MCM3AP: variants seen among roughly 807,000 people sequenced by gnomAD.
MCM3AP encodes germinal-center associated nuclear protein.
Under a neutral mutation model 184.1 loss-of-function variants are expected in MCM3AP, and 126 were observed. That is an observed-to-expected ratio of 0.68 (90% CI 0.59 to 0.79). MCM3AP has a LOEUF of 0.79. Ranked by LOEUF, MCM3AP falls within the 30% of genes least tolerant of loss-of-function variation. The pLI is 0.00. For missense variants in MCM3AP, 2,496 were observed against 2,479.2 expected, an observed-to-expected ratio of 1.01 and a Z score of -0.14; for synonymous variants, 1,002 against 979.3, an observed-to-expected ratio of 1.02 and a Z score of -0.43.
At position 46,251,648 on chromosome 21, in the gene MCM3AP, C is replaced by G. The variant is rs372959104; in HGVS notation, c.4171G>C (p.Gly1391Arg). 1.2e-5 allele frequency: 19 copies of G among 1,601,964 alleles called. No homozygotes were observed. The highest frequency in any genetic ancestry group is 1.5e-5 in the Non-Finnish European group (18 of 1,170,210). Residue 1391 changes from glycine to arginine, a missense_variant, in exon 20 of 28, where the codon GGA (glycine) becomes CGA (arginine). Coordinates refer to ENST00000291688, the MANE Select transcript of MCM3AP (RefSeq NM_003906.5). ...GTGTCATCCACTGAGCCTTCATCTC[C>G]CATGAACTTGACTTTTAACCAATTT... ...LANWLKVKFM[G>R]DEGSVDDTSS... is the part of the protein sequence containing the mutation.
At position 46,265,912 on chromosome 21, in the gene MCM3AP, C is replaced by T. The variant is rs2081105604; in HGVS notation, c.3031+13G>A. 3.2e-6 allele frequency: 5 copies of T among 1,541,766 alleles called. No individual in the cohort carries two copies. The highest frequency in any genetic ancestry group is 4.4e-6 in the Non-Finnish European group (5 of 1,138,522). On this transcript the variant is annotated intron_variant, in intron 11 of 27. Coordinates refer to ENST00000291688, the MANE Select transcript of MCM3AP (RefSeq NM_003906.5). ...GCAGCTAGTCCCCTCACTACGACTG[C>T]AGCTTCACTCACCCACTGTGTCGGA...
chr21:46,235,239 A>G lies in MCM3AP; in HGVS notation c.*29T>C, dbSNP rs746657706. 6.2e-7 allele frequency: 1 copy of G among 1,611,110 alleles called. No individual in the cohort carries two copies. The highest frequency in any genetic ancestry group is 1.1e-5 in the South Asian group (1 of 90,908). On this transcript the variant is annotated 3_prime_UTR_variant, in exon 28 of 28. Coordinates refer to ENST00000291688, the MANE Select transcript of MCM3AP (RefSeq NM_003906.5). ...TGAGTAAAAACAGAAACTCTTCGGG[A>G]GAGACCCCCTCCCCACAGGTCAGGC...
At chr21:46,280,468 A>G (rs1307328953) in intron 3 of MCM3AP, 29 bp downstream of exon 3, 1 of 1,489,898 alleles carries the variant, frequency 6.7e-7, no homozygotes, top group Admixed American at 1.9e-5. Context: ...AATTTTTTTA[A>G]AAAGTGAAAA....
At position 46,266,073 on chromosome 21, in the gene MCM3AP, TGACA is replaced by T; in HGVS notation, c.2879_2882del (p.Val960GlufsTer6). 1.9e-6 allele frequency: 3 copies of T among 1,612,472 alleles called. No individual in the cohort carries two copies. The highest frequency in any genetic ancestry group is 2.5e-6 in the Non-Finnish European group (3 of 1,179,344). ...GCCCTCCGTTCACAATTTCCCCGAC[TGACA>T]CCGTCAGCTTCCTAGTAATAAACAC... On this transcript the variant is annotated frameshift_variant, in exon 11 of 28. Transcript: ENST00000291688. LOFTEE classifies it high-confidence loss of function.
chr21:46,235,619 T>C (rs2080508738), intron 27 of MCM3AP, among the ~76,000 whole-genome samples, 193 bp from the exon 28 acceptor site: 1 of 152,242 alleles, frequency 6.6e-6, no homozygotes, highest in African/African-American at 2.4e-5. Flanking sequence ...GGTATCTGTA[T>C]ATAGACTGTT....
In MCM3AP at chr21:46,245,027, G is replaced by C. The variant is rs749280742; in HGVS notation, c.4818C>G (p.Gly1606=). 6.2e-7 allele frequency: 1 copy of C among 1,614,032 alleles called. No homozygotes were observed. Among genetic ancestry groups the C allele is most frequent in the Non-Finnish European group, 8.5e-7 (1 of 1,180,028 alleles). The change falls in exon 23 of 28, where the codon GGC becomes GGG. Residue 1606 remains glycine (G), a synonymous_variant. Coordinates refer to ENST00000291688, the MANE Select transcript of MCM3AP (RefSeq NM_003906.5). The stretch of plus-strand genomic sequence containing the variant: ...CACTGTTAAACAGCTCAATGATGGC[G>C]CCAGGCTCCTGAGAAGCAAGACCGC... ...RLGGLASQEP[G]AIIELFNSVL...
chr21:46,263,391 C>T (rs2081066522), intron 13 of MCM3AP, among the ~76,000 whole-genome samples: 1 of 151,996 alleles, frequency 6.6e-6, no homozygotes, highest in Admixed American at 6.6e-5. Context: ...AAACTTTATA[C>T]GTTGAAAACT....
At chr21:46,251,099 A>T (rs1019882059) in intron 20 of MCM3AP, 1 of 152,764 alleles carries the variant, frequency 6.5e-6, no homozygotes, top group Admixed American at 6.5e-5. Flanking sequence ...CAGCAGCAGT[A>T]AACTAATTTC....
chr21:46,265,105 C>T (rs1174961410), intron 12 of MCM3AP, among the ~76,000 whole-genome samples: 5 of 152,200 alleles, frequency 3.3e-5, no homozygotes, highest in Admixed American at 2.6e-4. Flanking sequence ...GGGCTCAGGC[C>T]GGTGCTGTGA....
chr21:46,272,412 G>C (rs2081192508), intron 8 of MCM3AP, 149 bp downstream of exon 8: 1 of 826,972 alleles, frequency 1.2e-6, no homozygotes, highest in Non-Finnish European at 1.9e-6. Flanking sequence ...CGACTGCAAA[G>C]CCAGACCAAG....
Position 46,260,911 on chromosome 21 carries a change from A to G in MCM3AP, c.3468-5T>C. The G allele has an allele frequency of 6.3e-7, 1 of 1,594,270 alleles. No individual in the cohort carries two copies. ...AGCTCTCTCTCTTGTTTCAACCTAC[A>G]GGGAAGAGAAAAAATACACAAGGGT... On this transcript the variant is annotated splice_region_variant and splice_polypyrimidine_tract_variant and intron_variant, in intron 14 of 27. Transcript: ENST00000291688.
chr21:46,254,650 C>T (rs2080920942), intron 18 of MCM3AP, 124 bp from the exon 19 acceptor site: 1 of 1,433,234 alleles, frequency 7.0e-7, no homozygotes, highest in Non-Finnish European at 9.7e-7. Flanking sequence ...GAACTGCAAA[C>T]TAGAAACCAA....
chr21:46,273,100 G>A (rs55774624), intron 7 of MCM3AP, among the ~76,000 whole-genome samples: 19,918 of 151,648 alleles, frequency 0.13, 1,498 homozygotes, highest in African/African-American at 0.19. Context: ...TCAGCCGCTC[G>A]AGTAGCTGGG....
intron 13 of MCM3AP, among the ~76,000 whole-genome samples, chr21:46,262,434 G>C (rs934450396): frequency 1.3e-5 from 2 of 152,044 alleles, no homozygotes; most frequent in African/African-American, 4.8e-5. Context: ...CACTGCTTGA[G>C]CCCAGGAGTT....
chr21:46,247,937 T>G (rs1445496739), intron 20 of MCM3AP, among the ~76,000 whole-genome samples: 2 of 151,702 alleles, frequency 1.3e-5, no homozygotes, highest in African/African-American at 4.8e-5. Flanking sequence ...CAAGACCCCA[T>G]CTCTACAAAA....
Position 46,284,282 on chromosome 21 carries a change from A to C in MCM3AP, c.1005T>G (p.Gly335=). 1 of 1,613,998 alleles carries C rather than the reference A, an allele frequency of 6.2e-7. No homozygotes were observed. ...RPVRLNRPRG[G]TLFGRTIQDV... is the part of the protein sequence containing the mutation. ...CCTGTATCGTCCGACCAAATAAAGT[A>C]CCTCCCCGGGGTCGATTCAGGCGGA... Residue 335 remains glycine, a synonymous_variant, in exon 1 of 28, where the codon GGT becomes GGG. Coordinates refer to ENST00000291688, the MANE Select transcript of MCM3AP (RefSeq NM_003906.5).
At chr21:46,283,541 CA>C (rs79660597) in intron 2 of MCM3AP, 73 bp downstream of exon 2, 35,757 of 718,516 alleles carry the variant, frequency 0.05, 1 homozygote, top group Non-Finnish European at 0.054. Context: ...ACTGAGGGAC[CA>C]AAAAAAAAAA....
chr21:46,280,169 G>A (rs761218697), intron 3 of MCM3AP, 32 bp from the exon 4 acceptor site: 10 of 1,609,722 alleles, frequency 6.2e-6, no homozygotes, highest in Middle Eastern at 1.7e-4. Context: ...AAGAGTTTAT[G>A]CAATCACAGA....
intron 13 of MCM3AP, among the ~76,000 whole-genome samples, chr21:46,263,832 C>T (rs1257176411): frequency 3.4e-5 from 4 of 118,416 alleles, no homozygotes; most frequent in Non-Finnish European, 6.8e-5. Flanking sequence ...CCACCCAGAA[C>T]AATCTACAGA....
Sources: allele counts gnomAD v4.1 joint callset (sites outside exome capture counted in the v4.1 genomes callset), GRCh38; gene constraint gnomAD v4.1.1; transcripts MANE v1.5; gene names NCBI Gene and HGNC (gene_info 2026-07-23, HGNC 2026-07-21).